The following ANKRD36C variants were observed in gnomAD, a reference collection of about 807,000 sequenced individuals.
ANKRD36C encodes ankyrin repeat domain 36C.
In ANKRD36C, 61 loss-of-function variants were observed where a neutral mutation model predicts 276.4. The observed-to-expected ratio is 0.22, with a 90% CI of 0.18 to 0.27. ANKRD36C has a LOEUF of 0.27. Ranked by LOEUF, ANKRD36C falls within the 10% of genes least tolerant of loss-of-function variation. The pLI is 1.00. For missense variants in ANKRD36C, 1,447 were observed against 2,032.3 expected, an observed-to-expected ratio of 0.71 and a Z score of 5.54; for synonymous variants, 483 against 680.1, an observed-to-expected ratio of 0.71 and a Z score of 4.51.
intron 64 of ANKRD36C, chr2:95,853,026 C>A (rs1443499878): frequency 1.3e-5 from 2 of 152,272 alleles, no homozygotes; most frequent in Non-Finnish European, 2.9e-5. Context: ...CCATCCTTTG[C>A]TGACCTTCTA....
At chr2:95,964,052 T>C (rs905797242) in intron 6 of ANKRD36C, among the ~76,000 whole-genome samples, 4 of 137,700 alleles carry the variant, frequency 2.9e-5, no homozygotes, top group African/African-American at 1.1e-4. Context: ...TATTGGTAGT[T>C]TTTTTTAGTA....
chr2:95,910,173 G>A (rs1209133181), intron 42 of ANKRD36C, among the ~76,000 whole-genome samples, 200 bp downstream of exon 46: 2 of 151,164 alleles, frequency 1.3e-5, no homozygotes, highest in African/African-American at 2.4e-5. Context: ...TCAATGTGGG[G>A]AACTGTATAA....
At chr2:95,953,532 A>G (rs1678252941) in intron 14 of ANKRD36C, among the ~76,000 whole-genome samples, 2 of 152,122 alleles carry the variant, frequency 1.3e-5, no homozygotes. Flanking sequence ...GATTTCTTTG[A>G]TAAGTCATCT....
At position 95,889,973 on chromosome 2, in the gene ANKRD36C, G is replaced by A. The variant is rs372755684; in HGVS notation, c.2879C>T (p.Ala960Val). ...AAATGAGAGTTTAATTACCTTCAAG[G>A]CTGGTTGTTTATGAGAAGACACTGA... Residue 960 changes from alanine to valine, a missense_variant, in exon 47 of 67, where the codon GCC becomes GTC. Coordinates refer to ENST00000456556, the Ensembl canonical transcript of ANKRD36C. The A allele has an allele frequency of 1.3e-4, 211 of 1,609,768 alleles. 2 individuals are homozygous for A. The highest frequency in any genetic ancestry group is 1.3e-3 in the South Asian group (118 of 90,950).
intron 59 of ANKRD36C, among the ~76,000 whole-genome samples, chr2:95,868,459 A>G (rs1427103956): frequency 6.6e-6 from 1 of 152,024 alleles, no homozygotes; most frequent in African/African-American, 2.4e-5. Context: ...CTTTTATTTC[A>G]TCCATAGCTA....
intron 6 of ANKRD36C, among the ~76,000 whole-genome samples, chr2:95,963,666 T>G (rs1207233329): frequency 8.3e-6 from 1 of 119,858 alleles, no homozygotes; most frequent in Non-Finnish European, 1.7e-5. Flanking sequence ...TCATCTTTTA[T>G]GCAAATATTC....
chr2:95,906,531 T>C lies in ANKRD36C; in HGVS notation c.2653+5713A>G. Reference sequence around the variant, plus strand: ...AATGAAGAATCTCAGGCCTACTGAATCAGAATGTGCAGTTTCGACCAGCCC... The same window carrying C: ...AATGAAGAATCTCAGGCCTACTGAACCAGAATGTGCAGTTTCGACCAGCCC... On this transcript the variant is annotated intron_variant, in intron 42 of 66. Transcript: ENST00000456556. 2 of 255,470 alleles carry C rather than the reference T, an allele frequency of 7.8e-6. 1 individual carries two copies. The highest frequency in any genetic ancestry group is 1.5e-5 in the Non-Finnish European group (2 of 135,810). The allele number at this position is 255,470 out of a possible 1,614,324, so 15.8% of individuals were successfully genotyped here.
At position 95,913,048 on chromosome 2, in the gene ANKRD36C, A is replaced by T. The variant is rs377654115; in HGVS notation, c.2552-613T>A. On this transcript the variant is annotated intron_variant, in intron 40 of 66. Coordinates refer to ENST00000456556, the Ensembl canonical transcript of ANKRD36C. ...TAGTGTAATAATTTGCCTAAGTTTCATGTATCCACTAGTTTAGGCTTCCGA... is the reference window on the plus strand; with the variant it reads ...TAGTGTAATAATTTGCCTAAGTTTCTTGTATCCACTAGTTTAGGCTTCCGA... 1.7e-3 allele frequency among the ~76,000 whole-genome samples: 257 copies of T among 150,102 alleles called. 5 individuals carry two copies. The East Asian group carries it at 0.047, about 28-fold the overall frequency.
chr2:95,927,082 G>A (rs1446346324), intron 28 of ANKRD36C, 132 bp downstream of exon 28: 59 of 1,327,114 alleles, frequency 4.4e-5, no homozygotes, highest in Non-Finnish European at 5.9e-5. Context: ...TGTCACCTGA[G>A]AACTGAAGAA....
At chr2:95,978,216 T>C in intron 5 of ANKRD36C, 27 bp from the exon 6 acceptor site, 1 of 702,874 alleles carries the variant, frequency 1.4e-6, no homozygotes, top group Non-Finnish European at 2.3e-6. Flanking sequence ...ATGAAATTAA[T>C]ATTTTAATAC....
intron 48 of ANKRD36C, among the ~76,000 whole-genome samples, chr2:95,888,532 C>T (rs1676256432): frequency 6.6e-6 from 1 of 151,692 alleles, no homozygotes; most frequent in South Asian, 2.1e-4. Context: ...ATAGTACAAA[C>T]ATTCATTGTG....
chr2:95,916,425 G>T (rs1194412309), intron 36 of ANKRD36C, among the ~76,000 whole-genome samples: 1 of 151,530 alleles, frequency 6.6e-6, no homozygotes, highest in Non-Finnish European at 1.5e-5. Flanking sequence ...AAATAAAACC[G>T]TGTCAATATC....
At chr2:95,967,982 C>T (rs1376853000) in intron 6 of ANKRD36C, among the ~76,000 whole-genome samples, 1 of 152,084 alleles carries the variant, frequency 6.6e-6, no homozygotes, top group Non-Finnish European at 1.5e-5. Flanking sequence ...ATCCCAGCTA[C>T]TCGGGAGGCC....
intron 44 of ANKRD36C, among the ~76,000 whole-genome samples, chr2:95,892,112 C>T (rs1676383740): frequency 6.6e-6 from 1 of 151,476 alleles, no homozygotes; most frequent in African/African-American, 2.4e-5. Flanking sequence ...TAAAATAAAA[C>T]CGTGTCAATA....
At chr2:95,919,641 T>TCC (rs1427184413) in intron 34 of ANKRD36C, 92 bp downstream of exon 36, 2 of 566,938 alleles carry the variant, frequency 3.5e-6, no homozygotes, top group Non-Finnish European at 4.4e-6. Context: ...CTTCGGCGAC[T>TCC]CCCCCCACCC....
intron 59 of ANKRD36C, among the ~76,000 whole-genome samples, chr2:95,874,769 C>T (rs1166156645): frequency 5.9e-5 from 9 of 152,148 alleles, no homozygotes; most frequent in Admixed American, 3.3e-4. Context: ...AAAATTTTTG[C>T]AACCTACTCA....
chr2:95,918,624 C>T (rs1394564814), intron 34 of ANKRD36C, among the ~76,000 whole-genome samples: 3 of 151,636 alleles, frequency 2.0e-5, no homozygotes, highest in Non-Finnish European at 4.4e-5. Context: ...TCTCTCACAC[C>T]CATGTGGTGT....
Position 95,923,696 on chromosome 2 carries a change from A to G in ANKRD36C, c.2042-7T>C, listed in dbSNP as rs1677335597. On this transcript the variant is annotated splice_polypyrimidine_tract_variant and splice_region_variant and intron_variant, in intron 30 of 66. Coordinates refer to ENST00000456556, the Ensembl canonical transcript of ANKRD36C. ...GGTTGTTTCTGAGAAGACACTGAAA[A>G]GCAAAAGGGATACATAATCACTCAT... 1.9e-6 allele frequency: 3 copies of G among 1,610,136 alleles called. No homozygotes were observed. The highest frequency in any genetic ancestry group is 1.7e-4 in the Middle Eastern group (1 of 6,048).
chr2:95,946,156 G>GAAAAAAAAAAAAAAAAAAA (rs56964568), intron 17 of ANKRD36C, among the ~76,000 whole-genome samples: 26 of 73,298 alleles, frequency 3.5e-4, no homozygotes, highest in Admixed American at 7.0e-4. Flanking sequence ...ACAGAGAGAG[G>GAAAAAAAAAAAAAAAAAAA]AAAAAAAAAA....
Sources: allele counts gnomAD v4.1 joint callset (sites outside exome capture counted in the v4.1 genomes callset), GRCh38; gene constraint gnomAD v4.1.1; transcripts MANE v1.5; gene names NCBI Gene and HGNC (gene_info 2026-07-23, HGNC 2026-07-21).